The following CELF2 variants were observed in gnomAD, a reference collection of about 807,000 sequenced individuals.
The protein encoded by CELF2 is CUGBP Elav-like family member 2, also known as CUG triplet repeat RNA-binding protein 2.
CELF2 carries 8 observed loss-of-function variants against 62.6 expected under a neutral mutation model. The ratio of observed to expected loss-of-function variants is 0.13; its 90% CI spans 0.07 to 0.23. CELF2 has a LOEUF of 0.23. CELF2 is among the 10% of genes least tolerant of loss of function. The pLI is 1.00. For synonymous variants in CELF2, 258 were observed against 250.0 expected (o/e 1.03, Z -0.30); for missense variants, 333 against 671.0 (o/e 0.50, Z 5.56).
the CELF2 span, among the ~76,000 whole-genome samples, chr10:10,483,999 CGCTTT>C: frequency 1.3e-5 from 1 of 75,694 alleles, no homozygotes; most frequent in Non-Finnish European, 2.8e-5. Flanking sequence ...CTCCCTCCCC[CGCTTT>C]CTCCCTCCCT....
rs1037042309 is a variant in CELF2, at chr10:11,316,320, C to G, written c.1096+2062C>G. On this transcript the variant is annotated intron_variant, in intron 10 of 12. Transcript: ENST00000633077. This position sits in a 1 kb window ranked among gnomAD's most constrained non-coding sequence, Gnocchi z 4.4. ...TGAACCAAGAAAATATTTAATTAAA[C>G]CCAAAACCAGACACCAATGAAAATA... Among the ~76,000 whole-genome samples the G allele has an allele frequency of 1.3e-5, 2 of 152,202 alleles. No homozygotes were observed. The highest frequency in any genetic ancestry group is 4.8e-5 in the African/African-American group (2 of 41,454).
the CELF2 span, among the ~76,000 whole-genome samples, chr10:10,705,380 A>AAAC: frequency 2.0e-5 from 3 of 150,924 alleles, no homozygotes; most frequent in African/African-American, 7.4e-5. Context: ...AAAAAAAAAA[A>AAAC]AAACCCTCAG....
intron 1 of CELF2, among the ~76,000 whole-genome samples, chr10:11,105,294 G>A (rs1823682996): frequency 6.6e-6 from 1 of 152,190 alleles, no homozygotes; most frequent in African/African-American, 2.4e-5. Context: ...GAATTCATCA[G>A]TTTGCTTCCT....
chr10:10,495,153 C>T, the CELF2 span, among the ~76,000 whole-genome samples: 17 of 151,782 alleles, frequency 1.1e-4, no homozygotes, highest in South Asian at 2.1e-4. Context: ...TGGTGGCGGG[C>T]GCCTGTAGTC....
rs568238710 is a variant in CELF2 at position 11,039,136 on chromosome 10, A to C, written c.74+20973A>C. 8.5e-5 allele frequency among the ~76,000 whole-genome samples: 13 copies of C among 152,350 alleles called. No homozygotes were observed. Among genetic ancestry groups the C allele is most frequent in the Admixed American group, 4.6e-4 (7 of 15,302 alleles). On this transcript the variant is annotated intron_variant, in intron 1 of 12. Transcript: ENST00000633077. This position sits in a 1 kb window ranked among gnomAD's most constrained non-coding sequence, Gnocchi z 4.1. ...GGCGATAACAGCCGAGTCCTGTGTC[A>C]GCTCTCCTATTAGCGTGGAGGACAC...
chr10:10,673,253 C>T, the CELF2 span, among the ~76,000 whole-genome samples: 36 of 152,058 alleles, frequency 2.4e-4, no homozygotes, highest in Admixed American at 1.1e-3. Flanking sequence ...TTTCTCCTTT[C>T]GCTATCTGTA....
Position 11,299,311 on chromosome 10 carries a change from G to A in CELF2, c.976+10759G>A, listed in dbSNP as rs562558425. ...GGCAGCAGTCCTACTGAGTCCACGC[G>A]GCGCCCCAGCGAGCCTGCAGCCCTG... On this transcript the variant is annotated intron_variant, in intron 9 of 12. Transcript: ENST00000633077. 5.9e-5 allele frequency among the ~76,000 whole-genome samples: 9 copies of A among 152,336 alleles called. No homozygotes were observed. In the East Asian group the frequency reaches 1.7e-3, roughly 29 times the overall value.
chr10:10,727,525 C>A, the CELF2 span, among the ~76,000 whole-genome samples: 14 of 152,036 alleles, frequency 9.2e-5, no homozygotes, highest in South Asian at 2.1e-4. Flanking sequence ...GCCTGTAATA[C>A]CAGCACTTTG....
At chr10:11,281,378 G>T (rs974030417) in intron 8 of CELF2, among the ~76,000 whole-genome samples, 1 of 152,178 alleles carries the variant, frequency 6.6e-6, no homozygotes, top group Non-Finnish European at 1.5e-5. Context: ...AGGCAGCGGC[G>T]GACGAGGGTC....
the CELF2 span, among the ~76,000 whole-genome samples, chr10:10,585,394 C>A: frequency 6.6e-6 from 1 of 151,720 alleles, no homozygotes; most frequent in African/African-American, 2.4e-5. Context: ...CTCTGTACAC[C>A]TTTCTCTACC....
the CELF2 span, among the ~76,000 whole-genome samples, chr10:10,500,750 A>C: frequency 6.6e-6 from 1 of 152,234 alleles, no homozygotes; most frequent in Non-Finnish European, 1.5e-5. Flanking sequence ...TGCATCATGA[A>C]GAAGACCCCT....
intron 2 of CELF2, among the ~76,000 whole-genome samples, chr10:10,984,898 C>T (rs1475874542): frequency 1.3e-5 from 2 of 152,080 alleles, no homozygotes; most frequent in African/African-American, 4.8e-5. Flanking sequence ...CTTTCTCATT[C>T]ATTCTTTCAA....
rs2074706881 is a variant in CELF2 at position 11,243,664 on chromosome 10, C to G, written c.355-5489C>G. Among the ~76,000 whole-genome samples the G allele has an allele frequency of 6.6e-6, 1 of 152,210 alleles. No homozygotes were observed. Among genetic ancestry groups the G allele is most frequent in the Non-Finnish European group, 1.5e-5 (1 of 68,032 alleles). On this transcript the variant is annotated intron_variant, in intron 3 of 12. Coordinates refer to ENST00000633077, the MANE Select transcript of CELF2 (RefSeq NM_001326342.2). The surrounding 1 kb of genome is among the most constrained non-coding windows in gnomAD (Gnocchi z 4.1). ...TTCATCGTGACTCAGGAAAACCACT[C>G]TGTAAAGTCAGAGGCTGGTGTTTGT...
rs11415164 is a variant in CELF2 at position 10,924,281 on chromosome 10, CAAAAAAAAAAA to C, written c.89+4301_89+4311del. Among the ~76,000 whole-genome samples, 438 of 45,090 alleles carry C rather than the reference CAAAAAAAAAAA, an allele frequency of 9.7e-3. 5 individuals carry two copies. Among genetic ancestry groups the C allele is most frequent in the African/African-American group, 0.027 (311 of 11,624 alleles). The allele number at this position is 45,090 out of a possible 152,430, so 29.6% of individuals were successfully genotyped here. A position where few individuals can be genotyped will look rare whatever the true frequency, so the allele number is the denominator to read the frequency against. ...TGGGCAACACAGCGAGACTCCGTCC[CAAAAAAAAAAA>C]AAAAAAAAAAAAAAAAAAGATATAA... On this transcript the variant is annotated intron_variant, in intron 2 of 13. Coordinates refer to the CELF2 transcript ENST00000636488.
At chr10:10,472,911 T>G in the CELF2 span, among the ~76,000 whole-genome samples, 3 of 151,962 alleles carry the variant, frequency 2.0e-5, no homozygotes, top group African/African-American at 4.8e-5. Flanking sequence ...ATTTTGGGGT[T>G]CTCCCTTTCT....
intron 1 of CELF2, among the ~76,000 whole-genome samples, chr10:10,861,079 C>G (rs2060021735): frequency 6.6e-6 from 1 of 152,116 alleles, no homozygotes; most frequent in African/African-American, 2.4e-5. Context: ...CTCCACCATA[C>G]CCAGCTAAGA....
chr10:10,773,255 C>A, the CELF2 span, among the ~76,000 whole-genome samples: 210 of 152,184 alleles, frequency 1.4e-3, no homozygotes, highest in African/African-American at 4.9e-3. Flanking sequence ...TATATGTGCC[C>A]GAGCATGACT....
intron 1 of CELF2, among the ~76,000 whole-genome samples, chr10:10,823,074 A>C (rs1046457785): frequency 1.0e-4 from 15 of 149,404 alleles, no homozygotes; most frequent in Non-Finnish European, 2.2e-4. Context: ...GAAATGGAGC[A>C]AAAAAGACCC....
At chr10:10,620,380 T>C in the CELF2 span, among the ~76,000 whole-genome samples, 1 of 144,782 alleles carries the variant, frequency 6.9e-6, no homozygotes, top group African/African-American at 2.5e-5. Context: ...GAGGCGGAGG[T>C]TGCAGTGAGC....
Sources: gnomAD v4.1 joint callset for allele counts (sites outside exome capture counted in the v4.1 genomes callset) on GRCh38, gnomAD v4.1.1 for gene constraint, Gnocchi (gnomAD v3.1) non-coding constraint, MANE v1.5 for transcripts, NCBI Gene and HGNC (gene_info 2026-07-23, HGNC 2026-07-21) for gene names.